CIB2: variants seen among roughly 807,000 people sequenced by gnomAD.
The protein encoded by CIB2 is calcium and integrin binding family member 2.
Under a neutral mutation model 23.1 loss-of-function variants are expected in CIB2, and 19 were observed. The ratio of observed to expected loss-of-function variants is 0.82; its 90% CI spans 0.57 to 1.21. CIB2 has a LOEUF of 1.21. Ranked by LOEUF, CIB2 falls within the 50% of genes most tolerant of loss-of-function variation. The probability of loss-of-function intolerance (pLI) is 0.00; values close to 1 mark genes in which losing one functional copy is unlikely to be tolerated. For missense variants in CIB2, 220 were observed against 241.5 expected, an observed-to-expected ratio of 0.91 and a Z score of 0.59; for synonymous variants, 94 against 91.7, an observed-to-expected ratio of 1.03 and a Z score of -0.14.
At chr15:78,106,141 C>A (rs1318484545) in intron 4 of CIB2, among the ~76,000 whole-genome samples, 1 of 152,236 alleles carries the variant, frequency 6.6e-6, no homozygotes, top group Non-Finnish European at 1.5e-5. Context: ...ACATCCACCA[C>A]CAACAACAAC....
intron 2 of CIB2, among the ~76,000 whole-genome samples, chr15:78,113,540 T>TTTCTTTC (rs1555426298): frequency 1.0e-5 from 1 of 97,274 alleles, no homozygotes; most frequent in Non-Finnish European, 2.2e-5. Context: ...TTCTTTCTTT[T>TTTCTTTC]TTTTTTTTGA....
intron 1 of CIB2, among the ~76,000 whole-genome samples, chr15:78,126,897 G>GGT (rs1200020426): frequency 6.6e-6 from 1 of 152,194 alleles, no homozygotes; most frequent in Non-Finnish European, 1.5e-5. Context: ...GAATATGGCA[G>GGT]GTGTTCTTAA....
intron 2 of CIB2, among the ~76,000 whole-genome samples, chr15:78,111,697 T>C (rs1284392827): frequency 6.6e-6 from 1 of 152,192 alleles, no homozygotes; most frequent in Non-Finnish European, 1.5e-5. Context: ...GACCCCAGCT[T>C]ACTGCTCAGC....
At chr15:78,118,555 CTCCAGCCTGGG>C (rs2074272611) in intron 2 of CIB2, among the ~76,000 whole-genome samples, 1 of 146,952 alleles carries the variant, frequency 6.8e-6, no homozygotes, top group Admixed American at 6.9e-5. Flanking sequence ...CGCCATTGCA[CTCCAGCCTGGG>C]TGACAGAGCC....
chr15:78,106,994 C>G (rs1050665241), intron 4 of CIB2, among the ~76,000 whole-genome samples: 1 of 151,780 alleles, frequency 6.6e-6, no homozygotes, highest in African/African-American at 2.4e-5. Context: ...TTTGCGAGTC[C>G]GAGGTGGGTG....
intron 2 of CIB2, among the ~76,000 whole-genome samples, chr15:78,113,616 C>T (rs2074194131): frequency 1.3e-5 from 2 of 151,696 alleles, no homozygotes; most frequent in Admixed American, 1.3e-4. Context: ...CTGCAAGCTC[C>T]GCCTCCCGGG....
At chr15:78,122,405 C>A (rs1343568764) in intron 2 of CIB2, among the ~76,000 whole-genome samples, 1 of 152,152 alleles carries the variant, frequency 6.6e-6, no homozygotes, top group Non-Finnish European at 1.5e-5. Flanking sequence ...AGGTAGGGAA[C>A]CCGAAGCTCC....
At chr15:78,115,823 G>A (rs111389982) in intron 2 of CIB2, among the ~76,000 whole-genome samples, 1 of 151,224 alleles carries the variant, frequency 6.6e-6, no homozygotes, top group African/African-American at 2.4e-5. Context: ...GACTACAGGC[G>A]CCCGCCACCA....
At position 78,111,164 on chromosome 15, in the gene CIB2, C is replaced by T. The variant is rs746831663; in HGVS notation, c.198+1G>A. The T allele has an allele frequency of 9.3e-6, 15 of 1,613,530 alleles. No individual in the cohort carries two copies. Among genetic ancestry groups the T allele is most frequent in the Non-Finnish European group, 1.3e-5 (15 of 1,179,594 alleles). On this transcript the variant is annotated splice_donor_variant, in intron 3 of 5. Transcript: ENST00000258930. LOFTEE classifies it high-confidence loss of function. Reference sequence around the variant, plus strand: ...TCGCCAGCAAGAGGTCCTGCACATACCCGGAGCTCTGGCATCTGGATGATG... The same window carrying T: ...TCGCCAGCAAGAGGTCCTGCACATATCCGGAGCTCTGGCATCTGGATGATG...
At chr15:78,108,784 T>C (rs1478288685) in intron 4 of CIB2, among the ~76,000 whole-genome samples, 2 of 152,240 alleles carry the variant, frequency 1.3e-5, no homozygotes, top group Non-Finnish European at 2.9e-5. Flanking sequence ...ACTCTGTGGC[T>C]GGCTCCCACA....
At chr15:78,125,412 C>T (rs748728369) in intron 1 of CIB2, among the ~76,000 whole-genome samples, 1 of 152,094 alleles carries the variant, frequency 6.6e-6, no homozygotes, top group South Asian at 2.1e-4. Context: ...CTCTTCCCCC[C>T]GATCTGTCCT....
At chr15:78,110,801 C>T (rs762206566) in intron 3 of CIB2, 1 of 464,244 alleles carries the variant, frequency 2.2e-6, no homozygotes, top group Non-Finnish European at 4.3e-6. Flanking sequence ...TGGATGACCA[C>T]CATGCTGACC....
intron 4 of CIB2, among the ~76,000 whole-genome samples, chr15:78,106,456 A>C (rs1315348278): frequency 2.6e-5 from 4 of 152,188 alleles, no homozygotes; most frequent in African/African-American, 9.7e-5. Context: ...ACGGTGGGTC[A>C]GGAGACTCAA....
At chr15:78,117,228 G>A (rs1216856401) in intron 2 of CIB2, among the ~76,000 whole-genome samples, 2 of 77,452 alleles carry the variant, frequency 2.6e-5, no homozygotes, top group Admixed American at 2.0e-4. Context: ...TTGGTTAAGT[G>A]TTTCTTCAAG....
At chr15:78,127,486 C>T (rs539727888) in intron 1 of CIB2, among the ~76,000 whole-genome samples, 205 of 152,274 alleles carry the variant, frequency 1.3e-3, no homozygotes, top group African/African-American at 4.6e-3. Context: ...TGGGCTTTTA[C>T]AGTAGAAGCC....
At position 78,127,778 on chromosome 15, in the gene CIB2, A is replaced by G. The variant is rs1336690726; in HGVS notation, c.51+3387T>C. Among the ~76,000 whole-genome samples, 3 of 152,112 alleles carry G rather than the reference A, an allele frequency of 2.0e-5. No homozygotes were observed. In the East Asian group the frequency reaches 5.8e-4, roughly 29 times the overall value. On this transcript the variant is annotated intron_variant, in intron 1 of 5. Coordinates refer to ENST00000258930, the MANE Select transcript of CIB2 (RefSeq NM_006383.4). Reference sequence around the variant, plus strand: ...CTCAGGCCTCAGCACTGCCCAGGGGACCATCACACGGCTCAAGGTCAGTCT... The same window carrying G: ...CTCAGGCCTCAGCACTGCCCAGGGGGCCATCACACGGCTCAAGGTCAGTCT...
Position 78,109,268 on chromosome 15 carries a change from C to T in CIB2, c.313G>A (p.Glu105Lys), listed in dbSNP as rs201058317. The T allele has an allele frequency of 6.3e-7, 1 of 1,586,012 alleles. No homozygotes were observed. The highest frequency in any genetic ancestry group is 1.7e-5 in the Admixed American group (1 of 58,908). The change falls in exon 4 of 6, where the codon GAG (glutamate) becomes AAG (lysine). Residue 105 changes from glutamate (E) to lysine (K), a missense_variant. Coordinates refer to ENST00000258930, the MANE Select transcript of CIB2 (RefSeq NM_006383.4). ...TTGAAGGCATAGTTTGCCTTGAGCT[C>T]TCGGGGAGCCGACTCGCAGAGCACG... ...FSVLCESAPR[E>K]LKANYAFKIY...
intron 4 of CIB2, among the ~76,000 whole-genome samples, chr15:78,108,220 GAAAAGAAAAGA>G (rs2074100008): frequency 7.2e-6 from 1 of 139,348 alleles, no homozygotes; most frequent in African/African-American, 2.6e-5. Context: ...AAAAAAAAAA[GAAAAGAAAAGA>G]AAAAAGAAAG....
intron 2 of CIB2, among the ~76,000 whole-genome samples, chr15:78,115,159 G>A (rs1225897335): frequency 6.6e-6 from 1 of 152,182 alleles, no homozygotes; most frequent in Non-Finnish European, 1.5e-5. Context: ...GATAGTCCCT[G>A]GGAGGTGGGA....
Sources: gnomAD v4.1 joint callset for allele counts (sites outside exome capture counted in the v4.1 genomes callset) on GRCh38, gnomAD v4.1.1 for gene constraint, MANE v1.5 for transcripts, NCBI Gene and HGNC (gene_info 2026-07-23, HGNC 2026-07-21) for gene names.